Variants in NLRP9 observed in about 807,000 individuals in gnomAD.
NLRP9 encodes the protein NLR family pyrin domain containing 9.
A neutral mutation model predicts 83.1 loss-of-function variants in NLRP9; 88 were observed. The observed-to-expected ratio is 1.06, with a 90% CI of 0.89 to 1.26. NLRP9 has a LOEUF of 1.26. Among genes scored for constraint, NLRP9 ranks in the 50% most tolerant of loss-of-function variants. The pLI is 0.00. For missense variants in NLRP9, 1,308 were observed against 1,179.3 expected, an observed-to-expected ratio of 1.11 and a Z score of -1.60; for synonymous variants, 521 against 447.6, an observed-to-expected ratio of 1.16 and a Z score of -2.07.
intron 4 of NLRP9, among the ~76,000 whole-genome samples, chr19:55,722,358 G>A (rs1988254848): frequency 6.6e-6 from 1 of 152,100 alleles, no homozygotes; most frequent in East Asian, 1.9e-4. Flanking sequence ...GAAAGTTAGA[G>A]TAGAAGTTAA....
At chr19:55,736,581 C>A (rs1988790986) in intron 1 of NLRP9, among the ~76,000 whole-genome samples, 1 of 152,128 alleles carries the variant, frequency 6.6e-6, no homozygotes, top group South Asian at 2.1e-4. Context: ...CACCTGTAAT[C>A]ACAGCACTTT....
rs1055650286 is a variant in NLRP9 at position 55,712,401 on chromosome 19, G to A, written c.2672+19C>T. The A allele has an allele frequency of 5.7e-6, 9 of 1,592,288 alleles. No homozygotes were observed. The highest frequency in any genetic ancestry group is 7.7e-6 in the Non-Finnish European group (9 of 1,164,856). ...GAAATAGATAAATTTTCCTACGATG[G>A]TGATCAGTAGATACTCACCCGAGAC... On this transcript the variant is annotated intron_variant, in intron 7 of 8. Coordinates refer to ENST00000332836, the MANE Select transcript of NLRP9 (RefSeq NM_176820.4).
chr19:55,729,685 G>A (rs566621980), intron 3 of NLRP9, 146 bp downstream of exon 3: 27 of 602,760 alleles, frequency 4.5e-5, no homozygotes, highest in African/African-American at 1.3e-4. Flanking sequence ...GAATAGTGCC[G>A]CAATAAACAT....
At chr19:55,720,715 G>A (rs1988198781) in intron 4 of NLRP9, among the ~76,000 whole-genome samples, 1 of 152,166 alleles carries the variant, frequency 6.6e-6, no homozygotes, top group African/African-American at 2.4e-5. Flanking sequence ...ATTCAAAGAT[G>A]ATATTAAGAA....
chr19:55,716,662 G>A, intron 5 of NLRP9, 66 bp downstream of exon 5: 2 of 1,380,950 alleles, frequency 1.4e-6, no homozygotes, highest in South Asian at 2.3e-5. Context: ...GCGTTGCTTT[G>A]ATAATGGGTG....
rs181080605 is a variant in NLRP9 at position 55,718,748 on chromosome 19, C to A, written c.2160-1850G>T. On this transcript the variant is annotated intron_variant, in intron 4 of 8. Transcript: ENST00000332836. ...CTCAGAGACCAGCGCCAGTGCGGGT[C>A]CTCGCACGTTAAGCGTCTGTCCCCT... 4.3e-3 allele frequency among the ~76,000 whole-genome samples: 654 copies of A among 152,322 alleles called. 3 individuals are homozygous for A. The highest frequency in any genetic ancestry group is 0.014 in the African/African-American group (592 of 41,570).
At chr19:55,735,392 A>T (rs1046625253) in intron 1 of NLRP9, among the ~76,000 whole-genome samples, 2 of 152,302 alleles carry the variant, frequency 1.3e-5, no homozygotes, top group South Asian at 4.2e-4. Flanking sequence ...GTTCAAGACG[A>T]GCTTGGCCAA....
intron 8 of NLRP9, 112 bp downstream of exon 8, chr19:55,711,688 C>G (rs970723461): frequency 3.8e-5 from 41 of 1,080,142 alleles, no homozygotes; most frequent in Non-Finnish European, 3.4e-5. Flanking sequence ...GACAGGCCCC[C>G]ACCACAAACA....
intron 4 of NLRP9, among the ~76,000 whole-genome samples, chr19:55,717,379 C>G (rs1200897837): frequency 6.6e-6 from 1 of 152,202 alleles, no homozygotes; most frequent in Non-Finnish European, 1.5e-5. Flanking sequence ...ATGACTCCCT[C>G]ATTAATCCCG....
At chr19:55,715,327 T>C in intron 5 of NLRP9, 102 bp from the exon 6 acceptor site, 2 of 989,692 alleles carry the variant, frequency 2.0e-6, no homozygotes, top group Non-Finnish European at 2.9e-6. Context: ...TATGGTAATA[T>C]TACCATATTT....
chr19:55,729,036 TTA>T (rs1988483528), intron 3 of NLRP9, among the ~76,000 whole-genome samples: 2 of 141,950 alleles, frequency 1.4e-5, no homozygotes, highest in African/African-American at 5.4e-5. Flanking sequence ...TATGCTTATC[TTA>T]TTTTTCTTTT....
Position 55,712,463 on chromosome 19 carries a change from A to T in NLRP9, c.2629T>A (p.Cys877Ser). Residue 877 changes from cysteine to serine, a missense_variant, in exon 7 of 9, where the codon TGT (cysteine) becomes AGT (serine). By Grantham distance (112) the Cys-to-Ser change is moderately radical. Transcript: ENST00000332836. ...EIGDTGVRQL[C>S]AALQHPHCKL... ...CAGTGAGGATGCTGCAAAGCTGCAC[A>T]TAACTGTCTGACACCAGTGTCTCCT... is the stretch of plus-strand genomic sequence containing the variant. 6.2e-7 allele frequency: 1 copy of T among 1,612,892 alleles called. No homozygotes were observed. Among genetic ancestry groups the T allele is most frequent in the Middle Eastern group, 1.7e-4 (1 of 6,058 alleles).
At chr19:55,736,840 AT>A (rs1180222312) in intron 1 of NLRP9, among the ~76,000 whole-genome samples, 1 of 125,366 alleles carries the variant, frequency 8.0e-6, no homozygotes, top group African/African-American at 3.5e-5. Flanking sequence ...TCTCAAAAAA[AT>A]AAAACAAAAA....
intron 3 of NLRP9, among the ~76,000 whole-genome samples, chr19:55,725,787 G>A (rs1776014886): frequency 6.6e-6 from 1 of 152,146 alleles, no homozygotes; most frequent in South Asian, 2.1e-4. Context: ...AGCACTTTGG[G>A]AGGCTGAGGT....
intron 8 of NLRP9, chr19:55,711,394 TG>T (rs1568590903): frequency 7.9e-7 from 1 of 1,262,282 alleles, no homozygotes; most frequent in Non-Finnish European, 1.0e-6. Context: ...ATTTGGCGAA[TG>T]TATTTCTGAA....
chr19:55,735,322 C>T (rs1441193347), intron 1 of NLRP9, among the ~76,000 whole-genome samples: 1 of 148,980 alleles, frequency 6.7e-6, no homozygotes, highest in African/African-American at 2.5e-5. Context: ...CACGGTGGCT[C>T]ACGCCGGTAA....
chr19:55,709,065 T>G (rs770690592), intron 8 of NLRP9, 21 bp from the exon 9 acceptor site: 33 of 1,196,930 alleles, frequency 2.8e-5, no homozygotes, highest in East Asian at 6.0e-5. Flanking sequence ...AGAAATAAAG[T>G]TTTTTTTTTT....
In NLRP9 at chr19:55,733,155, T is replaced by C; in HGVS notation, c.676A>G (p.Ile226Val). Reference sequence around the variant, plus strand: ...TTCAGTTGCTCAAAGCCATCCATGATGAACAGAATTCTCTCTGGCTGGGAA... The same window carrying C: ...TTCAGTTGCTCAAAGCCATCCATGACGAACAGAATTCTCTCTGGCTGGGAA... ...IFSQPERILFIMDGFEQLKFN... is the reference protein window; with the variant it reads ...IFSQPERILFVMDGFEQLKFN... The change falls in exon 2 of 9, where the codon ATC becomes GTC. Residue 226 changes from isoleucine (I) to valine (V), a missense_variant. Ile to Val is a conservative substitution (Grantham distance 29, BLOSUM62 3). Transcript: ENST00000332836. 2 of 1,614,150 alleles carry C rather than the reference T, an allele frequency of 1.2e-6. No individual in the cohort carries two copies. The highest frequency in any genetic ancestry group is 1.7e-6 in the Non-Finnish European group (2 of 1,179,988).
At chr19:55,714,327 G>C (rs536983568) in intron 6 of NLRP9, among the ~76,000 whole-genome samples, 1 of 151,792 alleles carries the variant, frequency 6.6e-6, no homozygotes, top group African/African-American at 2.4e-5. Context: ...TGAGTCACCT[G>C]CATGCATTGA....
Sources: allele counts gnomAD v4.1 joint callset (sites outside exome capture counted in the v4.1 genomes callset), GRCh38; gene constraint gnomAD v4.1.1; transcripts MANE v1.5; gene names NCBI Gene and HGNC (gene_info 2026-07-23, HGNC 2026-07-21).